The following PMM2 variants were observed in gnomAD, a reference collection of about 807,000 sequenced individuals.
The protein encoded by PMM2 is phosphomannomutase 2.
PMM2 carries 35 observed loss-of-function variants against 33.2 expected under a neutral mutation model. That is an observed-to-expected ratio of 1.06 (90% CI 0.81 to 1.40). The LOEUF is 1.40. Ranked by LOEUF, PMM2 falls within the 40% of genes most tolerant of loss-of-function variation. The pLI, the probability that PMM2 is intolerant of heterozygous loss-of-function variation, is 0.00. For synonymous variants in PMM2, 153 were observed against 114.7 expected (o/e 1.33, Z -2.13); for missense variants, 386 against 306.0 (o/e 1.26, Z -1.95).
chr16:8,801,414 T>C (rs1345635515), intron 1 of PMM2, among the ~76,000 whole-genome samples: 1 of 152,224 alleles, frequency 6.6e-6, no homozygotes, highest in Non-Finnish European at 1.5e-5. Context: ...CTTATACCTG[T>C]AATCTCAGCA....
intron 7 of PMM2, among the ~76,000 whole-genome samples, chr16:8,833,946 C>T (rs1280313243): frequency 6.8e-6 from 1 of 147,748 alleles, no homozygotes; most frequent in Admixed American, 6.6e-5. Flanking sequence ...ACAGTGTAAA[C>T]CGGCAGTGTA....
intron 7 of PMM2, chr16:8,832,126 C>A (rs771458175): frequency 7.1e-6 from 7 of 985,342 alleles, no homozygotes; most frequent in Non-Finnish European, 8.4e-6. Context: ...TGCAGCTACT[C>A]TGGTATGCAA....
chr16:8,806,458 CA>C, intron 4 of PMM2, 51 bp downstream of exon 4: 1 of 1,090,884 alleles, frequency 9.2e-7, no homozygotes, highest in Non-Finnish European at 1.4e-6. Flanking sequence ...CGTAGTGTCA[CA>C]TGGTGGGCTA....
chr16:8,798,940 AT>A (rs2141014912), intron 1 of PMM2, among the ~76,000 whole-genome samples: 1 of 152,208 alleles, frequency 6.6e-6, no homozygotes, highest in Non-Finnish European at 1.5e-5. Context: ...CACAGGTTTG[AT>A]TTACCTAGTG....
chr16:8,838,785 C>T (rs1243580334), intron 7 of PMM2, among the ~76,000 whole-genome samples: 2 of 151,954 alleles, frequency 1.3e-5, no homozygotes, highest in Non-Finnish European at 2.9e-5. Context: ...GGGGGTTCAG[C>T]GTAATTACTT....
chr16:8,827,328 C>T lies in PMM2; in HGVS notation c.639+14222C>T, dbSNP rs115429030. On this transcript the variant is annotated intron_variant, in intron 7 of 7. Transcript: ENST00000268261. ...GAAAGACAAACAAAAACTCATTCCT[C>T]GAAGAAAAAAAAAAAATCCAGGAAG... 7.5e-3 allele frequency among the ~76,000 whole-genome samples: 1,102 copies of T among 147,322 alleles called. 26 individuals are homozygous for T. Among genetic ancestry groups the T allele is most frequent in the African/African-American group, 0.026 (1,042 of 40,004 alleles).
At chr16:8,804,054 C>T (rs371232589) in intron 2 of PMM2, among the ~76,000 whole-genome samples, 4 of 9,436 alleles carry the variant, frequency 4.2e-4, no homozygotes, top group African/African-American at 6.2e-4. Flanking sequence ...TTTTTTTTGA[C>T]GTTAGACAGA....
chr16:8,833,540 G>C (rs903574205), intron 7 of PMM2, among the ~76,000 whole-genome samples: 1 of 151,804 alleles, frequency 6.6e-6, no homozygotes, highest in South Asian at 2.1e-4. Flanking sequence ...ATTTTTAGGG[G>C]GTGGTATGGA....
At chr16:8,801,258 A>G (rs1175072482) in intron 1 of PMM2, among the ~76,000 whole-genome samples, 1 of 152,230 alleles carries the variant, frequency 6.6e-6, no homozygotes, top group Non-Finnish European at 1.5e-5. Context: ...AGCTACTAAC[A>G]TATTACCTGT....
chr16:8,806,231 G>C, intron 3 of PMM2, 85 bp from the exon 4 acceptor site: 1 of 838,222 alleles, frequency 1.2e-6, no homozygotes, highest in Non-Finnish European at 2.1e-6. Context: ...TTCAGCAATC[G>C]TGGCTGAAGA....
chr16:8,825,521 A>G (rs1264921562), intron 7 of PMM2, among the ~76,000 whole-genome samples: 13 of 151,756 alleles, frequency 8.6e-5, no homozygotes, highest in Non-Finnish European at 1.9e-4. Context: ...GGGTTTCGCC[A>G]TGTTGGCCAG....
At chr16:8,807,286 C>T (rs900405799) in intron 4 of PMM2, among the ~76,000 whole-genome samples, 1 of 151,806 alleles carries the variant, frequency 6.6e-6, no homozygotes, top group Non-Finnish European at 1.5e-5. Context: ...GTGTCAAAGG[C>T]GTGAGCCACC....
In PMM2 at chr16:8,818,846, G is replaced by A. The variant is rs1034764616; in HGVS notation, c.639+5740G>A. ...GTTCAGCATGGAGGCCCTGGGCCTG[G>A]CATGGAGTACCTTGGTTTGTTGCAG... On this transcript the variant is annotated intron_variant, in intron 7 of 7. Coordinates refer to ENST00000268261, the MANE Select transcript of PMM2 (RefSeq NM_000303.3). Among the ~76,000 whole-genome samples the A allele has an allele frequency of 2.0e-5, 3 of 149,690 alleles. No homozygotes were observed. The East Asian group carries it at 5.8e-4, about 29-fold the overall frequency.
chr16:8,832,448 T>TC (rs1056939256), intron 7 of PMM2: 3 of 985,122 alleles, frequency 3.0e-6, no homozygotes, highest in Non-Finnish European at 3.6e-6. Context: ...CACAGACACC[T>TC]CCCCACCAGC....
chr16:8,811,245 G>A, intron 5 of PMM2, 67 bp downstream of exon 5: 2 of 1,075,022 alleles, frequency 1.9e-6, no homozygotes, highest in Non-Finnish European at 2.8e-6. Flanking sequence ...GCCTGGTGTG[G>A]TGGTTCATGC....
At chr16:8,804,392 A>T (rs1483587083) in intron 2 of PMM2, among the ~76,000 whole-genome samples, 1 of 152,070 alleles carries the variant, frequency 6.6e-6, no homozygotes, top group African/African-American at 2.4e-5. Context: ...AGCAATTCTG[A>T]TTCAGGAAGC....
At chr16:8,811,801 G>A (rs372455433) in intron 6 of PMM2, 88 bp downstream of exon 6, 41 of 922,978 alleles carry the variant, frequency 4.4e-5, no homozygotes, top group African/African-American at 4.0e-4. Flanking sequence ...AATGAAGTAT[G>A]TGCAGTTTTA....
rs138229884 is a variant in PMM2, at chr16:8,838,074, A to G, written c.640-9650A>G. ...GCGGGCTGAGTCCGAAAAGAGAGTC[A>G]GCAAAGGGTGGTGGATTATCATTAG... On this transcript the variant is annotated intron_variant, in intron 7 of 7. Transcript: ENST00000268261. Among the ~76,000 whole-genome samples, 1,239 of 151,804 alleles carry G rather than the reference A, an allele frequency of 8.2e-3. 18 individuals carry two copies. Among genetic ancestry groups the G allele is most frequent in the African/African-American group, 0.029 (1,178 of 41,152 alleles).
chr16:8,816,118 G>T (rs1336703283), intron 7 of PMM2, among the ~76,000 whole-genome samples: 2 of 152,098 alleles, frequency 1.3e-5, no homozygotes, highest in African/African-American at 4.8e-5. Context: ...CACCTGCCAG[G>T]ATGGCCATTT....
Sources: allele counts gnomAD v4.1 joint callset (sites outside exome capture counted in the v4.1 genomes callset), GRCh38; gene constraint gnomAD v4.1.1; transcripts MANE v1.5; gene names NCBI Gene and HGNC (gene_info 2026-07-23, HGNC 2026-07-21).